FOXF1: variants seen among roughly 807,000 people sequenced by gnomAD.
FOXF1 encodes the protein forkhead box F1.
Under a neutral mutation model 26.6 loss-of-function variants are expected in FOXF1, and 9 were observed. The observed-to-expected ratio is 0.34, with a 90% CI of 0.20 to 0.59. The LOEUF is 0.59. Among genes scored for constraint, FOXF1 ranks in the 20% least tolerant of loss-of-function variants. The pLI, the probability that FOXF1 is intolerant of heterozygous loss-of-function variation, is 0.83. For synonymous variants in FOXF1, 330 were observed against 257.7 expected (o/e 1.28, Z -2.69); for missense variants, 499 against 549.9 (o/e 0.91, Z 0.93).
At chr16:86,512,438 C>G (rs1251874362) in intron 1 of FOXF1, among the ~76,000 whole-genome samples, 1 of 152,242 alleles carries the variant, frequency 6.6e-6, no homozygotes, top group African/African-American at 2.4e-5. Flanking sequence ...GCGGGGGACT[C>G]CCCGGCTCCG....
In FOXF1 at chr16:86,511,140, G is replaced by T. The variant is rs1404946090; in HGVS notation, c.571G>T (p.Gly191Cys). The T allele has an allele frequency of 6.2e-7, 1 of 1,601,088 alleles. No individual in the cohort carries two copies. Among genetic ancestry groups the T allele is most frequent in the African/African-American group, 1.3e-5 (1 of 74,834 alleles). Residue 191 changes from glycine (G) to cysteine (C), a missense_variant, in exon 1 of 2, where the codon GGC becomes TGC. Gly to Cys is a radical substitution (Grantham distance 159). Around this residue, in one of 5 missense-constraint regions of FOXF1, gnomAD observed 367 missense variants for 324.8 expected, o/e 1.13. Transcript: ENST00000262426. ...GCCCAACAGCCTGGCGCTGGAGGGC[G>T]GCCTGGGCATGATGAACGGCCACTT... ...CPPNSLALEGGLGMMNGHLPG... is the reference protein window; with the variant it reads ...CPPNSLALEGCLGMMNGHLPG...
rs1969592363 is a variant in FOXF1 at position 86,513,015 on chromosome 16, A to G, written c.1070A>G (p.His357Arg). The G allele has an allele frequency of 1.9e-6, 3 of 1,613,694 alleles. No individual in the cohort carries two copies. Among genetic ancestry groups the G allele is most frequent in the Admixed American group, 1.7e-5 (1 of 59,994 alleles). Residue 357 changes from histidine (H) to arginine (R), a missense_variant, in exon 2 of 2, where the codon CAC (histidine) becomes CGC (arginine). His to Arg is a conservative substitution (Grantham distance 29). Around this residue, in one of 5 missense-constraint regions of FOXF1, gnomAD observed 367 missense variants for 324.8 expected, o/e 1.13. Transcript: ENST00000262426. ...AACGCCATGGCGTCCTCTTCCATGC[A>G]CTCGGCCGGCGGGGGCTCCTACTAC... is the stretch of plus-strand genomic sequence containing the variant. ...SFNAMASSSM[H>R]SAGGGSYYHQ...
In FOXF1 at chr16:86,514,241, C is replaced by T. The variant is rs1969612059; in HGVS notation, c.*1156C>T. The T allele has an allele frequency of 9.4e-6, 1 of 106,502 alleles. No individual in the cohort carries two copies. The highest frequency in any genetic ancestry group is 3.2e-5 in the African/African-American group (1 of 30,778). 6.6% of individuals were successfully genotyped at this position (106,502 alleles called of 1,614,324 possible). A position where few individuals can be genotyped will look rare whatever the true frequency, so the allele number is the denominator to read the frequency against. On this transcript the variant is annotated 3_prime_UTR_variant, in exon 2 of 2. Transcript: ENST00000262426. ...ATAAATATATATATAATATGAAGGACTACCCTCCTTTTTTTTTTTTGTATT... is the reference window on the plus strand; with the variant it reads ...ATAAATATATATATAATATGAAGGATTACCCTCCTTTTTTTTTTTTGTATT...
At position 86,510,554 on chromosome 16, in the gene FOXF1, C is replaced by T; in HGVS notation, c.-16C>T. The T allele has an allele frequency of 2.3e-6, 3 of 1,311,722 alleles. No homozygotes were observed. Among genetic ancestry groups the T allele is most frequent in the Middle Eastern group, 2.8e-4 (1 of 3,554 alleles). 81.3% of individuals were successfully genotyped at this position (1,311,722 alleles called of 1,614,324 possible). On this transcript the variant is annotated 5_prime_UTR_variant, in exon 1 of 2. Coordinates refer to ENST00000262426, the MANE Select transcript of FOXF1 (RefSeq NM_001451.3). ...AGAGCAGCGGCGGCAGCGGCGGCGG[C>T]GGCAGCAGCCACCCGATGTCTTCGG... is the stretch of plus-strand genomic sequence containing the variant.
chr16:86,515,158 A>G lies in FOXF1; in HGVS notation c.*2073A>G, dbSNP rs974412224. 2 of 151,460 alleles carry G rather than the reference A, an allele frequency of 1.3e-5. No individual in the cohort carries two copies. The highest frequency in any genetic ancestry group is 2.4e-5 in the African/African-American group (1 of 41,172). 9.4% of individuals were successfully genotyped at this position (151,460 alleles called of 1,614,324 possible). On this transcript the variant is annotated 3_prime_UTR_variant, in exon 2 of 2. Coordinates refer to ENST00000262426, the MANE Select transcript of FOXF1 (RefSeq NM_001451.3). The surrounding 1 kb of genome is among the most constrained non-coding windows in gnomAD (Gnocchi z 4.1). ...AGTCACAGTTCGTCCTCTCTGGGGG[A>G]AAAATATTTTTTAACACTTGTACCT...
At chr16:86,512,091 G>C (rs1390295980) in intron 1 of FOXF1, among the ~76,000 whole-genome samples, 1 of 152,246 alleles carries the variant, frequency 6.6e-6, no homozygotes, top group East Asian at 1.9e-4. Flanking sequence ...CTGAGTCCAG[G>C]GGCATTTTGT....
At position 86,512,996 on chromosome 16, in the gene FOXF1, A is replaced by G; in HGVS notation, c.1051A>G (p.Met351Val). 3 of 1,614,098 alleles carry G rather than the reference A, an allele frequency of 1.9e-6. No individual in the cohort carries two copies. Among genetic ancestry groups the G allele is most frequent in the Non-Finnish European group, 2.5e-6 (3 of 1,180,028 alleles). Residue 351 changes from methionine (M) to valine (V), a missense_variant, in exon 2 of 2, where the codon ATG (methionine) becomes GTG (valine). Coordinates refer to ENST00000262426, the MANE Select transcript of FOXF1 (RefSeq NM_001451.3). ...GGAGTTTGTCTTCTCTTTCAACGCCATGGCGTCCTCTTCCATGCACTCGGC... is the reference window on the plus strand; with the variant it reads ...GGAGTTTGTCTTCTCTTTCAACGCCGTGGCGTCCTCTTCCATGCACTCGGC... Reference protein sequence around the residue: ...RKEFVFSFNAMASSSMHSAGG... With the variant: ...RKEFVFSFNAVASSSMHSAGG...
rs1969596466 is a variant in FOXF1 at position 86,513,232 on chromosome 16, C to T, written c.*147C>T. The T allele has an allele frequency of 7.9e-6, 6 of 758,274 alleles. No homozygotes were observed. The highest frequency in any genetic ancestry group is 5.2e-5 in the South Asian group (3 of 58,084). 47.0% of individuals were successfully genotyped at this position (758,274 alleles called of 1,614,324 possible). A position where few individuals can be genotyped will look rare whatever the true frequency, so the allele number is the denominator to read the frequency against. ...CCAACCGGAGTTTTTGGCAAGGAGT[C>T]CCCAATGCAAAGACACAGCGCTGCG... On this transcript the variant is annotated 3_prime_UTR_variant, in exon 2 of 2. Coordinates refer to ENST00000262426, the MANE Select transcript of FOXF1 (RefSeq NM_001451.3).
chr16:86,510,832 C>T lies in FOXF1; in HGVS notation c.263C>T (p.Ser88Phe), dbSNP rs1969550292. The change falls in exon 1 of 2, where the codon TCC (serine) becomes TTC (phenylalanine). Residue 88 changes from serine to phenylalanine, a missense_variant. Transcript: ENST00000262426. ...AGCCGCTTCCCCTTCTTCCGGGGCTCCTACCAGGGCTGGAAGAACTCCGTG... is the reference window on the plus strand; with the variant it reads ...AGCCGCTTCCCCTTCTTCCGGGGCTTCTACCAGGGCTGGAAGAACTCCGTG... ...LQSRFPFFRGSYQGWKNSVRH... is the reference protein window; with the variant it reads ...LQSRFPFFRGFYQGWKNSVRH... 6.2e-7 allele frequency: 1 copy of T among 1,614,002 alleles called. No individual in the cohort carries two copies. Among genetic ancestry groups the T allele is most frequent in the Admixed American group, 1.7e-5 (1 of 59,982 alleles).
chr16:86,511,627 C>G, intron 1 of FOXF1, 79 bp downstream of exon 1: 1 of 1,533,716 alleles, frequency 6.5e-7, no homozygotes, highest in Non-Finnish European at 8.7e-7. Context: ...GGGGCGAGCC[C>G]CTCCACTTCT....
rs1481006723 is a variant in FOXF1 at position 86,511,108 on chromosome 16, C to T, written c.539C>T (p.Ser180Leu). The change falls in exon 1 of 2, where the codon TCG becomes TTG. Residue 180 changes from serine (S) to leucine (L), a missense_variant. Around this residue, in one of 5 missense-constraint regions of FOXF1, gnomAD observed 367 missense variants for 324.8 expected, o/e 1.13. Coordinates refer to ENST00000262426, the MANE Select transcript of FOXF1 (RefSeq NM_001451.3). ...TTCCAGGGCTCGGCCGGCGGCCTCTCGTGCCCGCCCAACAGCCTGGCGCTG... is the reference window on the plus strand; with the variant it reads ...TTCCAGGGCTCGGCCGGCGGCCTCTTGTGCCCGCCCAACAGCCTGGCGCTG... Reference protein sequence around the residue: ...YGFQGSAGGLSCPPNSLALEG... With the variant: ...YGFQGSAGGLLCPPNSLALEG... 1 of 1,606,068 alleles carries T rather than the reference C, an allele frequency of 6.2e-7. No homozygotes were observed.
Position 86,513,235 on chromosome 16 carries a change from C to A in FOXF1, c.*150C>A. 1 of 732,194 alleles carries A rather than the reference C, an allele frequency of 1.4e-6. No homozygotes were observed. Among genetic ancestry groups the A allele is most frequent in the Non-Finnish European group, 2.3e-6 (1 of 441,310 alleles). 45.4% of individuals were successfully genotyped at this position (732,194 alleles called of 1,614,324 possible). A position where few individuals can be genotyped will look rare whatever the true frequency, so the allele number is the denominator to read the frequency against. On this transcript the variant is annotated 3_prime_UTR_variant, in exon 2 of 2. Transcript: ENST00000262426. ...ACCGGAGTTTTTGGCAAGGAGTCCC[C>A]AATGCAAAGACACAGCGCTGCGGTT...
chr16:86,513,236 A>G lies in FOXF1; in HGVS notation c.*151A>G. On this transcript the variant is annotated 3_prime_UTR_variant, in exon 2 of 2. Transcript: ENST00000262426. ...CCGGAGTTTTTGGCAAGGAGTCCCC[A>G]ATGCAAAGACACAGCGCTGCGGTTG... The G allele has an allele frequency of 1.4e-6, 1 of 729,826 alleles. No individual in the cohort carries two copies. The highest frequency in any genetic ancestry group is 2.3e-6 in the Non-Finnish European group (1 of 439,360). The allele number at this position is 729,826 out of a possible 1,614,324, so 45.2% of individuals were successfully genotyped here.
At chr16:86,512,823 G>A (rs1329751353) in intron 1 of FOXF1, 102 bp from the exon 2 acceptor site, 1 of 1,392,190 alleles carries the variant, frequency 7.2e-7, no homozygotes, top group Admixed American at 1.7e-5. Flanking sequence ...AGGCTGACAG[G>A]CCCTGTGCGC....
In FOXF1 at chr16:86,510,721, A is replaced by T. The variant is rs1420193772; in HGVS notation, c.152A>T (p.Tyr51Phe). The T allele has an allele frequency of 6.2e-7, 1 of 1,613,752 alleles. No homozygotes were observed. Among genetic ancestry groups the T allele is most frequent in the Non-Finnish European group, 8.5e-7 (1 of 1,179,992 alleles). Residue 51 changes from tyrosine to phenylalanine, a missense_variant, in exon 1 of 2, where the codon TAT becomes TTT. Transcript: ENST00000262426. ...AGIRRPEKPP[Y>F]SYIALIVMAI... is the part of the protein sequence containing the mutation. ...ATCCGGCGCCCGGAGAAGCCGCCCT[A>T]TTCCTACATCGCGCTCATCGTCATG...
In FOXF1 at chr16:86,511,415, C is replaced by T; in HGVS notation, c.846C>T (p.Ala282=). 1 of 1,593,872 alleles carries T rather than the reference C, an allele frequency of 6.3e-7. No homozygotes were observed. The highest frequency in any genetic ancestry group is 8.5e-7 in the Non-Finnish European group (1 of 1,178,060). ...CGTCCGCGGCGCTCAACAGCGGCGC[C>T]TCTTATATCAAGCAGCAGCCCCTGT... ...PSASAALNSG[A]SYIKQQPLSP... The change falls in exon 1 of 2, where the codon GCC becomes GCT. Residue 282 remains alanine (A), a synonymous_variant. Transcript: ENST00000262426.
chr16:86,510,644 C>G lies in FOXF1; in HGVS notation c.75C>G (p.Ala25=), dbSNP rs745492283. The part of the protein sequence containing the change: ...GGGGGGGGGA[A]MDPASSGPSK... ...GCGGCGGCGGGGGAGGCGGCGCGGC[C>G]ATGGACCCCGCGTCGTCCGGCCCGT... The change falls in exon 1 of 2, where the codon GCC becomes GCG. Residue 25 remains alanine (A), a synonymous_variant. Transcript: ENST00000262426. 1.3e-6 allele frequency: 2 copies of G among 1,585,538 alleles called. No individual in the cohort carries two copies. The highest frequency in any genetic ancestry group is 1.7e-6 in the Non-Finnish European group (2 of 1,168,346).
At position 86,512,887 on chromosome 16, in the gene FOXF1, T is replaced by C. The variant is rs755119787; in HGVS notation, c.980-38T>C. 1.2e-5 allele frequency: 20 copies of C among 1,612,732 alleles called. No homozygotes were observed. In the African/African-American group the frequency reaches 2.5e-4, roughly 20 times the overall value. On this transcript the variant is annotated intron_variant, in intron 1 of 1. Coordinates refer to ENST00000262426, the MANE Select transcript of FOXF1 (RefSeq NM_001451.3). Reference sequence around the variant, plus strand: ...ACTCTGAGCCACCGTGGCTAACTCTTCTGCTCCCCCAACCCCTCCTGTCGC... The same window carrying C: ...ACTCTGAGCCACCGTGGCTAACTCTCCTGCTCCCCCAACCCCTCCTGTCGC...
chr16:86,511,673 CT>C, intron 1 of FOXF1, 125 bp downstream of exon 1: 1 of 1,371,390 alleles, frequency 7.3e-7, no homozygotes, highest in Non-Finnish European at 1.0e-6. Context: ...GAGGCACCAG[CT>C]CCCCAAGGTG....
Sources: gnomAD v4.1 joint callset for allele counts (sites outside exome capture counted in the v4.1 genomes callset) on GRCh38, gnomAD v4.1.1 for gene constraint, gnomAD v4.1.1 regional missense constraint, Gnocchi (gnomAD v3.1) non-coding constraint, MANE v1.5 for transcripts, NCBI Gene and HGNC (gene_info 2026-07-23, HGNC 2026-07-21) for gene names.